The following GLDC variants were observed in gnomAD, a reference collection of about 807,000 sequenced individuals.
The protein encoded by GLDC is glycine dehydrogenase (decarboxylating), mitochondrial.
GLDC carries 104 observed loss-of-function variants against 121.3 expected under a neutral mutation model. The ratio of observed to expected loss-of-function variants is 0.86; its 90% CI spans 0.73 to 1.01. The LOEUF is 1.01. Among genes scored for constraint, GLDC ranks in the 50% least tolerant of loss-of-function variants. The pLI is 0.00. For synonymous variants in GLDC, 546 were observed against 480.6 expected (o/e 1.14, Z -1.78); for missense variants, 1,429 against 1,306.6 (o/e 1.09, Z -1.44).
At chr9:6,594,139 A>G (rs1371189582) in intron 9 of GLDC, among the ~76,000 whole-genome samples, 2 of 152,136 alleles carry the variant, frequency 1.3e-5, no homozygotes, top group African/African-American at 4.8e-5. Flanking sequence ...ACATAGCAGC[A>G]TTCTTCTGAT....
rs190715252 is a variant in GLDC at position 6,544,570 on chromosome 9, C to T, written c.2570-4424G>A. 7.5e-3 allele frequency among the ~76,000 whole-genome samples: 1,043 copies of T among 139,066 alleles called. 9 individuals are homozygous for T. Among genetic ancestry groups the T allele is most frequent in the African/African-American group, 0.027 (974 of 36,722 alleles). 91.2% of individuals were successfully genotyped at this position (139,066 alleles called of 152,430 possible). On this transcript the variant is annotated intron_variant, in intron 21 of 24. Coordinates refer to ENST00000321612, the MANE Select transcript of GLDC (RefSeq NM_000170.3). ...AGGAGAATTGCTTGAGCCGGGGAGG[C>T]GGGGGTTGCAGTGAGCCGAGATTGC...
intron 10 of GLDC, 41 bp from the exon 11 acceptor site, chr9:6,592,264 C>T (rs772403607): frequency 1.7e-6 from 2 of 1,184,514 alleles, no homozygotes; most frequent in Non-Finnish European, 2.5e-6. Flanking sequence ...CAACTCTAAA[C>T]TCCACATCAC....
At chr9:6,556,060 G>A in intron 18 of GLDC, 93 bp downstream of exon 18, 1 of 1,077,330 alleles carries the variant, frequency 9.3e-7, no homozygotes, top group Non-Finnish European at 1.4e-6. Flanking sequence ...AGTTCCCTCA[G>A]GCAGGAAGCC....
Position 6,588,403 on chromosome 9 carries a change from C to A in GLDC, c.1705G>T (p.Ala569Ser), listed in dbSNP as rs151268759. ...TMKLNSSSEL[A>S]PITWKEFANI... Reference sequence around the variant, plus strand: ...ACTTACAGAAGTGAGCTACTTACTGCGAGTTCAGACGAACTGTTCAGTTTC... The same window carrying A: ...ACTTACAGAAGTGAGCTACTTACTGAGAGTTCAGACGAACTGTTCAGTTTC... The change falls in exon 14 of 25, where the codon GCA becomes TCA. Residue 569 changes from alanine to serine, a missense_variant and splice_region_variant. Physicochemically the swap from Ala to Ser is moderately conservative, Grantham distance 99. Coordinates refer to ENST00000321612, the MANE Select transcript of GLDC (RefSeq NM_000170.3). The A allele has an allele frequency of 1.9e-6, 3 of 1,609,154 alleles. No individual in the cohort carries two copies. The highest frequency in any genetic ancestry group is 1.3e-5 in the African/African-American group (1 of 74,908).
intron 17 of GLDC, 108 bp downstream of exon 17, chr9:6,558,451 T>C: frequency 1.5e-6 from 2 of 1,320,664 alleles, no homozygotes; most frequent in Non-Finnish European, 2.2e-6. Context: ...AACTGCAGAC[T>C]TTTCATTAGA....
intron 20 of GLDC, among the ~76,000 whole-genome samples, chr9:6,552,733 A>G (rs190051767): frequency 6.6e-6 from 1 of 152,268 alleles, no homozygotes; most frequent in Admixed American, 6.5e-5. Flanking sequence ...TCAGTCCAGG[A>G]GGTGGGCAGG....
At chr9:6,538,086 C>T (rs1410639701) in intron 22 of GLDC, among the ~76,000 whole-genome samples, 2 of 151,878 alleles carry the variant, frequency 1.3e-5, no homozygotes, top group African/African-American at 2.4e-5. Flanking sequence ...AATGCATACA[C>T]CTTTGTCACT....
chr9:6,563,118 G>A (rs1817790391), intron 16 of GLDC, among the ~76,000 whole-genome samples: 1 of 152,194 alleles, frequency 6.6e-6, no homozygotes, highest in African/African-American at 2.4e-5. Flanking sequence ...AAAACACAAA[G>A]AGAGGGAACA....
chr9:6,583,484 G>A (rs895724323), intron 15 of GLDC, among the ~76,000 whole-genome samples: 2 of 152,132 alleles, frequency 1.3e-5, no homozygotes, highest in African/African-American at 4.8e-5. Context: ...AGACCAGCCT[G>A]GGCAATGTAG....
At chr9:6,644,058 A>AAAAAACGG (rs1563877182) in intron 2 of GLDC, among the ~76,000 whole-genome samples, 1 of 145,524 alleles carries the variant, frequency 6.9e-6, no homozygotes, top group African/African-American at 2.6e-5. Context: ...AAACGAAAAA[A>AAAAAACGG]AAAAGAAAAG....
chr9:6,556,364 T>G, intron 17 of GLDC, 62 bp from the exon 18 acceptor site: 16 of 1,310,704 alleles, frequency 1.2e-5, no homozygotes, highest in Non-Finnish European at 1.7e-5. Context: ...CTTGGCCAAA[T>G]CCTCGCCTTT....
chr9:6,628,918 T>TATA (rs1225296143), intron 2 of GLDC, among the ~76,000 whole-genome samples: 2 of 152,132 alleles, frequency 1.3e-5, no homozygotes, highest in African/African-American at 4.8e-5. Context: ...GCTTCTGACC[T>TATA]TGTTTATTCT....
At chr9:6,604,867 A>T (rs1200171977) in intron 6 of GLDC, 83 bp from the exon 7 acceptor site, 3 of 1,153,356 alleles carry the variant, frequency 2.6e-6, no homozygotes, top group Non-Finnish European at 3.9e-6. Context: ...TCTTAACTAC[A>T]GGAAGACGGG....
At position 6,645,418 on chromosome 9, in the gene GLDC, G is replaced by T. The variant is rs1395882327; in HGVS notation, c.82C>A (p.Pro28Thr). The change falls in exon 1 of 25, where the codon CCG becomes ACG. Residue 28 changes from proline (P) to threonine (T), a missense_variant. Pro to Thr is a conservative substitution (Grantham distance 38). Coordinates refer to ENST00000321612, the MANE Select transcript of GLDC (RefSeq NM_000170.3). ...GGRRLAGGSG[P>T]CWAPRSRDSS... Reference sequence around the variant, plus strand: ...TCCCGGCTCCGCGGCGCCCAGCACGGCCCCGATCCCCCAGCCAGGCGGCGG... The same window carrying T: ...TCCCGGCTCCGCGGCGCCCAGCACGTCCCCGATCCCCCAGCCAGGCGGCGG... The T allele has an allele frequency of 1.5e-6, 2 of 1,344,614 alleles. No homozygotes were observed. Among genetic ancestry groups the T allele is most frequent in the Non-Finnish European group, 1.9e-6 (2 of 1,052,104 alleles). 83.3% of individuals were successfully genotyped at this position (1,344,614 alleles called of 1,614,324 possible). A position where few individuals can be genotyped will look rare whatever the true frequency, so the allele number is the denominator to read the frequency against.
intron 16 of GLDC, among the ~76,000 whole-genome samples, chr9:6,559,334 G>A (rs1377539608): frequency 1.3e-5 from 2 of 151,782 alleles, no homozygotes; most frequent in Non-Finnish European, 2.9e-5. Context: ...GGCCAACATG[G>A]TGAAACCCCG....
chr9:6,539,441 T>C (rs543330441), intron 22 of GLDC, among the ~76,000 whole-genome samples: 4 of 152,252 alleles, frequency 2.6e-5, no homozygotes, highest in African/African-American at 9.6e-5. Flanking sequence ...ATCACATCAC[T>C]GCACTCCAGC....
Position 6,567,651 on chromosome 9 carries a change from C to T in GLDC, c.1851-2222G>A, listed in dbSNP as rs191541362. ...AATTGTATTCTCTATTCCAAGAACACTGACATAAAAAATATTTGATAGATT... is the reference window on the plus strand; with the variant it reads ...AATTGTATTCTCTATTCCAAGAACATTGACATAAAAAATATTTGATAGATT... On this transcript the variant is annotated intron_variant, in intron 15 of 24. Transcript: ENST00000321612. Among the ~76,000 whole-genome samples, 88 of 152,332 alleles carry T rather than the reference C, an allele frequency of 5.8e-4. 1 individual carries two copies. Among genetic ancestry groups the T allele is most frequent in the Middle Eastern group, 3.4e-3 (1 of 294 alleles).
intron 11 of GLDC, among the ~76,000 whole-genome samples, chr9:6,590,510 G>GC (rs1273662782): frequency 6.6e-6 from 1 of 152,072 alleles, no homozygotes; most frequent in Non-Finnish European, 1.5e-5. Flanking sequence ...AAAGAGCCTG[G>GC]CACCTCCCTC....
rs764552944 is a variant in GLDC at position 6,610,209 on chromosome 9, T to C, written c.618A>G (p.Ala206=). The part of the protein sequence containing the change: ...LLDEGTAAAE[A]LQLCYRHNKR... ...CCTCTCACCTGTAGCACAGCTGCAG[T>C]GCCTCTGCGGCTGCAGTCCCCTCAT... The change falls in exon 4 of 25, where the codon GCA becomes GCG. Residue 206 remains alanine (A), a synonymous_variant. Transcript: ENST00000321612. The C allele has an allele frequency of 6.2e-7, 1 of 1,612,152 alleles. No homozygotes were observed. The highest frequency in any genetic ancestry group is 2.2e-5 in the East Asian group (1 of 44,856).
Sources: gnomAD v4.1 joint callset for allele counts (sites outside exome capture counted in the v4.1 genomes callset) on GRCh38, gnomAD v4.1.1 for gene constraint, MANE v1.5 for transcripts, NCBI Gene and HGNC (gene_info 2026-07-23, HGNC 2026-07-21) for gene names.